The following VPS8 variants were observed in gnomAD, a reference collection of about 807,000 sequenced individuals.
VPS8 encodes the protein vacuolar protein sorting-associated protein 8 homolog.
A neutral mutation model predicts 216.4 loss-of-function variants in VPS8; 129 were observed. The ratio of observed to expected loss-of-function variants is 0.60; its 90% confidence interval spans 0.52 to 0.69. VPS8 has a LOEUF of 0.69. Ranked by LOEUF, VPS8 falls within the 30% of genes least tolerant of loss-of-function variation. The pLI is 0.00. For missense variants in VPS8, 1,531 were observed against 1,683.5 expected (o/e 0.91, Z 1.59); for synonymous variants, 571 against 565.4 (o/e 1.01, Z -0.14).
chr3:184,862,819 C>G, intron 15 of VPS8, 78 bp from the exon 16 acceptor site: 2 of 1,434,464 alleles, frequency 1.4e-6, no homozygotes, highest in Non-Finnish European at 1.9e-6. Flanking sequence ...TTTAATCGAG[C>G]AGCCAAGCTT....
Position 184,860,056 on chromosome 3 carries a change from C to T in VPS8, c.1215C>T (p.Ile405=). The part of the protein sequence containing the change: ...QKHLHLYYDL[I]NFTWINSRTV... ...ATCTTCACCTATACTATGACCTCAT[C>T]AACTTTACCGTGAGTATTATTCAAA... Residue 405 remains isoleucine (I), a synonymous_variant, in exon 15 of 48, where the codon ATC becomes ATT. Transcript: ENST00000625842. 6.2e-7 allele frequency: 1 copy of T among 1,609,156 alleles called. No homozygotes were observed. The highest frequency in any genetic ancestry group is 8.5e-7 in the Non-Finnish European group (1 of 1,176,174).
At chr3:184,939,552 C>T (rs971464472) in intron 35 of VPS8, among the ~76,000 whole-genome samples, 48 of 120,156 alleles carry the variant, frequency 4.0e-4, no homozygotes, top group Non-Finnish European at 5.0e-4. Context: ...TATTGCTGTC[C>T]TCTTTTTTTT....
chr3:184,940,363 T>C (rs2109322138), intron 36 of VPS8, 120 bp downstream of exon 36: 2 of 299,102 alleles, frequency 6.7e-6, no homozygotes, highest in Non-Finnish European at 1.2e-5. Flanking sequence ...TAATTTTTTA[T>C]ATTAGTAGGA....
chr3:184,903,780 T>C (rs960669493), intron 25 of VPS8, among the ~76,000 whole-genome samples: 1 of 152,162 alleles, frequency 6.6e-6, no homozygotes, highest in Non-Finnish European at 1.5e-5. Context: ...TGCTTTCCCC[T>C]TTTCTGCAGA....
At chr3:184,849,656 C>T (rs6772432) in intron 9 of VPS8, 7,881 of 414,000 alleles carry the variant, frequency 0.019, 544 homozygotes, top group African/African-American at 0.15. Flanking sequence ...TAGTGCTAAA[C>T]AGATTGACTT....
At chr3:184,908,957 G>A (rs1457027670) in intron 25 of VPS8, among the ~76,000 whole-genome samples, 2 of 152,232 alleles carry the variant, frequency 1.3e-5, no homozygotes, top group East Asian at 3.9e-4. Flanking sequence ...AACTGGGAAA[G>A]GATGTGCAGA....
rs550626424 is a variant in VPS8 at position 185,017,461 on chromosome 3, C to T, written c.4003-6875C>T. ...AATCCTCCTGTTCGTTTAATTTCAC[C>T]TTTCCCCATTTCCACATACGGCACA... On this transcript the variant is annotated intron_variant, in intron 45 of 47. Transcript: ENST00000625842. Among the ~76,000 whole-genome samples, 26 of 152,268 alleles carry T rather than the reference C, an allele frequency of 1.7e-4. No homozygotes were observed. The South Asian group carries it at 4.6e-3, about 27-fold the overall frequency.
chr3:185,001,741 G>C (rs2109919070), intron 45 of VPS8, among the ~76,000 whole-genome samples: 1 of 152,254 alleles, frequency 6.6e-6, no homozygotes, highest in East Asian at 1.9e-4. Context: ...GGTCTTTCTG[G>C]CACCTAGCCC....
chr3:185,007,227 C>A (rs1260563923), intron 45 of VPS8, among the ~76,000 whole-genome samples: 3 of 152,184 alleles, frequency 2.0e-5, no homozygotes, highest in Non-Finnish European at 4.4e-5. Context: ...ATAGAATAGG[C>A]CTTGTAACTC....
At chr3:184,934,390 C>G (rs1741236479) in intron 34 of VPS8, among the ~76,000 whole-genome samples, 1 of 152,080 alleles carries the variant, frequency 6.6e-6, no homozygotes, top group African/African-American at 2.4e-5. Context: ...AGGCTAGTCT[C>G]AAACTCCTGA....
intron 39 of VPS8, among the ~76,000 whole-genome samples, chr3:184,966,973 CT>C (rs11382420): frequency 8.9e-5 from 13 of 146,040 alleles, no homozygotes; most frequent in Admixed American, 1.4e-4. Flanking sequence ...TGTTGGTTAT[CT>C]TTTTTTTTTT....
intron 8 of VPS8, among the ~76,000 whole-genome samples, chr3:184,845,274 T>C (rs1000995728): frequency 6.6e-6 from 1 of 152,236 alleles, no homozygotes; most frequent in African/African-American, 2.4e-5. Context: ...AGAGGTTTTA[T>C]GTTTATTTTG....
At chr3:185,045,765 TA>T (rs71632043) in intron 46 of VPS8, among the ~76,000 whole-genome samples, 8,248 of 129,026 alleles carry the variant, frequency 0.064, 681 homozygotes, top group African/African-American at 0.2. Context: ...AGACTCCGTC[TA>T]AAAAAAAAAA....
chr3:185,023,238 T>TA (rs1283427594), intron 45 of VPS8, among the ~76,000 whole-genome samples: 3 of 151,032 alleles, frequency 2.0e-5, no homozygotes, highest in South Asian at 2.1e-4. Context: ...TACTTTTTTT[T>TA]ATCTGACTTC....
rs1718606815 is a variant in VPS8, at chr3:184,825,675, G to A, written c.154-488G>A. ...CCAGCACTTTATGAGGCCGAGATGG[G>A]TGGATCACTTGAGGTCAGGAGTCCA... On this transcript the variant is annotated intron_variant, in intron 2 of 47. Transcript: ENST00000625842. Among the ~76,000 whole-genome samples the A allele has an allele frequency of 1.3e-5, 2 of 152,176 alleles. 1 individual carries two copies. Among genetic ancestry groups the A allele is most frequent in the African/African-American group, 4.8e-5 (2 of 41,434 alleles).
chr3:184,894,976 T>C, intron 23 of VPS8, 51 bp downstream of exon 23: 2 of 1,446,878 alleles, frequency 1.4e-6, no homozygotes, highest in Non-Finnish European at 1.9e-6. Flanking sequence ...CATTCCTTTA[T>C]TGATAACACT....
Position 184,982,408 on chromosome 3 carries a change from A to G in VPS8, c.3421-158A>G, listed in dbSNP as rs1750362930. The G allele has an allele frequency of 6.9e-6, 4 of 583,924 alleles. No individual in the cohort carries two copies. The South Asian group carries it at 7.3e-5, about 11-fold the overall frequency. The allele number at this position is 583,924 out of a possible 1,614,324, so 36.2% of individuals were successfully genotyped here. On this transcript the variant is annotated intron_variant, in intron 40 of 47. Transcript: ENST00000625842. ...ATTGTCTTTTTTTTTTTTTGCCCCA[A>G]ATATTTCCATTTTTATTTTTTCTAA...
chr3:184,858,891 T>A (rs1471243140), intron 14 of VPS8, among the ~76,000 whole-genome samples: 1 of 152,152 alleles, frequency 6.6e-6, no homozygotes, highest in East Asian at 1.9e-4. Context: ...AGGATCACAC[T>A]GATAAAACCA....
intron 8 of VPS8, among the ~76,000 whole-genome samples, chr3:184,848,466 G>C (rs77322987): frequency 2.8e-4 from 43 of 151,668 alleles, no homozygotes; most frequent in South Asian, 2.3e-3. Flanking sequence ...GACAGGTGAC[G>C]GTTTGTTTAA....
Sources: allele counts gnomAD v4.1 joint callset (sites outside exome capture counted in the v4.1 genomes callset), GRCh38; gene constraint gnomAD v4.1.1; transcripts MANE v1.5; gene names NCBI Gene and HGNC (gene_info 2026-07-23, HGNC 2026-07-21).